The following TMEM63C variants were observed in gnomAD, a reference collection of about 807,000 sequenced individuals.
TMEM63C encodes osmosensitive cation channel TMEM63C.
Under a neutral mutation model 99.2 loss-of-function variants are expected in TMEM63C, and 32 were observed. The observed-to-expected ratio is 0.32, with a 90% CI of 0.24 to 0.43. TMEM63C has a LOEUF of 0.43. TMEM63C is among the 20% of genes least tolerant of loss of function. The probability of loss-of-function intolerance (pLI) is 1.00; values close to 1 mark genes in which losing one functional copy is unlikely to be tolerated. For synonymous variants in TMEM63C, 376 were observed against 397.9 expected, an observed-to-expected ratio of 0.94 and a Z score of 0.66; for missense variants, 826 against 1,053.0, an observed-to-expected ratio of 0.78 and a Z score of 2.98.
At chr14:77,195,014 G>A (rs1409628717) in intron 1 of TMEM63C, among the ~76,000 whole-genome samples, 4 of 152,018 alleles carry the variant, frequency 2.6e-5, no homozygotes, top group African/African-American at 7.3e-5. Flanking sequence ...AACTATCTAG[G>A]AGGCGGAGGC....
chr14:77,236,412 G>A lies in TMEM63C; in HGVS notation c.543-212G>A, dbSNP rs547035791. Among the ~76,000 whole-genome samples, 212 of 83,568 alleles carry A rather than the reference G, an allele frequency of 2.5e-3. 14 individuals are homozygous for A. The highest frequency in any genetic ancestry group is 3.9e-3 in the Non-Finnish European group (142 of 36,734). 54.8% of individuals were successfully genotyped at this position (83,568 alleles called of 152,430 possible). ...GTATGGGGAGACTGTGATGGTAGGG[G>A]GAGTCTAGGGAGACTGTGATGGGTG... On this transcript the variant is annotated intron_variant, in intron 8 of 23. Coordinates refer to ENST00000298351, the MANE Select transcript of TMEM63C (RefSeq NM_020431.4).
intron 7 of TMEM63C, 53 bp from the exon 8 acceptor site, chr14:77,233,398 GC>G: frequency 6.3e-7 from 1 of 1,583,930 alleles, no homozygotes; most frequent in South Asian, 1.1e-5. Context: ...GAATTCTGGC[GC>G]CCCCAGCAAC....
At chr14:77,240,000 C>T (rs1449110051) in intron 12 of TMEM63C, among the ~76,000 whole-genome samples, 1 of 152,208 alleles carries the variant, frequency 6.6e-6, no homozygotes, top group Non-Finnish European at 1.5e-5. Flanking sequence ...CCAGAGAAAA[C>T]ACAGCAGGCT....
intron 1 of TMEM63C, among the ~76,000 whole-genome samples, chr14:77,185,152 C>T (rs151245362): frequency 8.5e-5 from 13 of 152,290 alleles, no homozygotes; most frequent in Admixed American, 2.6e-4. Flanking sequence ...ACCCAAGTGT[C>T]CTGGGCTCCC....
At chr14:77,185,576 A>T (rs1475434648) in intron 1 of TMEM63C, among the ~76,000 whole-genome samples, 1 of 152,156 alleles carries the variant, frequency 6.6e-6, no homozygotes, top group African/African-American at 2.4e-5. Flanking sequence ...ACAGCTGTCC[A>T]TTGGGTTTTG....
chr14:77,221,724 C>A (rs1248346986), intron 5 of TMEM63C, among the ~76,000 whole-genome samples: 1 of 146,650 alleles, frequency 6.8e-6, no homozygotes, highest in Non-Finnish European at 1.5e-5. Flanking sequence ...CAAATGTGAG[C>A]TCCCGTCCCT....
At chr14:77,191,538 C>CTTTTTTTTTT (rs71125542) in intron 1 of TMEM63C, among the ~76,000 whole-genome samples, 35 of 82,610 alleles carry the variant, frequency 4.2e-4, no homozygotes, top group East Asian at 8.0e-4. Context: ...TTTTCTTTTT[C>CTTTTTTTTTT]TTTTTTTTTT....
intron 1 of TMEM63C, among the ~76,000 whole-genome samples, chr14:77,187,510 C>G (rs1421541492): frequency 6.6e-6 from 1 of 152,234 alleles, no homozygotes; most frequent in African/African-American, 2.4e-5. Context: ...AGGCTCCACA[C>G]TCCATGGAGG....
intron 22 of TMEM63C, among the ~76,000 whole-genome samples, chr14:77,252,860 C>G (rs1889392962): frequency 6.6e-6 from 1 of 152,230 alleles, no homozygotes; most frequent in African/African-American, 2.4e-5. Context: ...ACCCCGCTGA[C>G]TCTGTCTAAT....
At chr14:77,210,481 A>G (rs1051640430) in intron 1 of TMEM63C, among the ~76,000 whole-genome samples, 1 of 152,174 alleles carries the variant, frequency 6.6e-6, no homozygotes. Context: ...GCTTACTGAT[A>G]TTTAGGGAAA....
At chr14:77,201,916 T>A (rs1431948748) in intron 1 of TMEM63C, among the ~76,000 whole-genome samples, 1 of 152,140 alleles carries the variant, frequency 6.6e-6, no homozygotes, top group Non-Finnish European at 1.5e-5. Flanking sequence ...ACAGGGCAGG[T>A]GTGATGGGGA....
Position 77,216,411 on chromosome 14 carries a change from T to C in TMEM63C, c.-13-2390T>C, listed in dbSNP as rs574783090. 4.6e-5 allele frequency among the ~76,000 whole-genome samples: 7 copies of C among 152,322 alleles called. No homozygotes were observed. In the South Asian group the frequency reaches 8.3e-4, roughly 18 times the overall value. ...AATTCAGGGCTTTGCCTCGAAGAGT[T>C]GTCGCTATGCCAGTGGCTTTTGTCT... On this transcript the variant is annotated intron_variant, in intron 2 of 23. Transcript: ENST00000298351.
At chr14:77,234,857 A>G (rs382868) in intron 8 of TMEM63C, among the ~76,000 whole-genome samples, 9,804 of 152,190 alleles carry the variant, frequency 0.064, 407 homozygotes, top group Admixed American at 0.1. Flanking sequence ...TGCAGGTAAC[A>G]CAGGTTCTTC....
chr14:77,189,099 ATTTTCT>A lies in TMEM63C; in HGVS notation c.-77+7222_-77+7227del, dbSNP rs533384768. Among the ~76,000 whole-genome samples the A allele has an allele frequency of 1.5e-3, 228 of 151,762 alleles. 3 individuals carry two copies. In the East Asian group the frequency reaches 0.04, roughly 26 times the overall value. On this transcript the variant is annotated intron_variant, in intron 1 of 23. Coordinates refer to ENST00000298351, the MANE Select transcript of TMEM63C (RefSeq NM_020431.4). ...AATAATACCATTAAGTGAAACTTTA[ATTTTCT>A]TTTTCTTTTTCTTTTTTTTTTTGAG... is the stretch of plus-strand genomic sequence containing the variant.
chr14:77,254,222 T>C (rs1304827617), intron 23 of TMEM63C, among the ~76,000 whole-genome samples: 1 of 152,058 alleles, frequency 6.6e-6, no homozygotes, highest in Non-Finnish European at 1.5e-5. Flanking sequence ...CTCAAGACAG[T>C]TTTCGGCACG....
chr14:77,193,899 TG>T (rs1173500996), intron 1 of TMEM63C, among the ~76,000 whole-genome samples: 1 of 150,542 alleles, frequency 6.6e-6, no homozygotes, highest in African/African-American at 2.4e-5. Flanking sequence ...ACTTGAGAGA[TG>T]GAGGTGGAAA....
intron 1 of TMEM63C, among the ~76,000 whole-genome samples, chr14:77,206,961 C>A (rs1888412927): frequency 6.6e-6 from 1 of 151,334 alleles, no homozygotes; most frequent in African/African-American, 2.4e-5. Flanking sequence ...CCTATTTTAC[C>A]TTTTTAACAC....
At position 77,256,766 on chromosome 14, in the gene TMEM63C, C is replaced by G. The variant is rs1889470722; in HGVS notation, c.*40C>G. On this transcript the variant is annotated 3_prime_UTR_variant, in exon 24 of 24. Coordinates refer to ENST00000298351, the MANE Select transcript of TMEM63C (RefSeq NM_020431.4). ...CTCCACTGGCGACTTGTTGAGGGGTCAGGGGAGGGCCTGGCAAGGGGAGGC... is the reference window on the plus strand; with the variant it reads ...CTCCACTGGCGACTTGTTGAGGGGTGAGGGGAGGGCCTGGCAAGGGGAGGC... 6.3e-7 allele frequency: 1 copy of G among 1,595,462 alleles called. No homozygotes were observed. The highest frequency in any genetic ancestry group is 8.6e-7 in the Non-Finnish European group (1 of 1,166,898).
chr14:77,198,560 C>T (rs895527403), intron 1 of TMEM63C, among the ~76,000 whole-genome samples: 17 of 152,192 alleles, frequency 1.1e-4, no homozygotes, highest in South Asian at 2.1e-4. Context: ...GGGAATTTGC[C>T]GCGATTCTGA....
Sources: gnomAD v4.1 joint callset for allele counts (sites outside exome capture counted in the v4.1 genomes callset) on GRCh38, gnomAD v4.1.1 for gene constraint, MANE v1.5 for transcripts, NCBI Gene and HGNC (gene_info 2026-07-23, HGNC 2026-07-21) for gene names.